HTR1F: variants seen among roughly 807,000 people sequenced by gnomAD.
HTR1F encodes the protein 5-hydroxytryptamine (serotonin) receptor 1F, G protein-coupled.
HTR1F carries 17 observed loss-of-function variants against 24.0 expected under a neutral mutation model. That is an observed-to-expected ratio of 0.71 (90% CI 0.48 to 1.06). The LOEUF (loss-of-function observed/expected upper bound fraction) is 1.06, where lower values mean the gene tolerates loss of function less well. Ranked by LOEUF, HTR1F falls within the 50% of genes least tolerant of loss-of-function variation. The probability of loss-of-function intolerance (pLI) is 0.00; values close to 1 mark genes in which losing one functional copy is unlikely to be tolerated. For missense variants in HTR1F, 391 were observed against 427.8 expected (o/e 0.91, Z 0.76); for synonymous variants, 186 against 156.8 (o/e 1.19, Z -1.39).
intron 2 of HTR1F, among the ~76,000 whole-genome samples, chr3:87,849,481 G>A (rs1178608076): frequency 1.3e-5 from 2 of 151,870 alleles, no homozygotes; most frequent in African/African-American, 4.9e-5. Context: ...AGACTTACAT[G>A]TTAGACCTAA....
intron 2 of HTR1F, among the ~76,000 whole-genome samples, chr3:87,951,473 T>C (rs1704832124): frequency 6.6e-6 from 1 of 152,112 alleles, no homozygotes; most frequent in Non-Finnish European, 1.5e-5. Flanking sequence ...GTTGGTACAT[T>C]ACCCCAGAAT....
chr3:87,884,400 A>G (rs1371980967), intron 2 of HTR1F, among the ~76,000 whole-genome samples: 1 of 152,200 alleles, frequency 6.6e-6, no homozygotes, highest in Non-Finnish European at 1.5e-5. Flanking sequence ...AAAACATGCC[A>G]AATTGTAAAG....
intron 1 of HTR1F, among the ~76,000 whole-genome samples, chr3:87,816,492 C>T (rs192123252): frequency 1.3e-5 from 2 of 152,112 alleles, no homozygotes; most frequent in East Asian, 3.9e-4. Context: ...GCCCCATGTG[C>T]TTTTCCAACT....
At chr3:87,854,690 C>A (rs1705160236) in intron 2 of HTR1F, among the ~76,000 whole-genome samples, 1 of 151,948 alleles carries the variant, frequency 6.6e-6, no homozygotes, top group Non-Finnish European at 1.5e-5. Flanking sequence ...TTCATTATTA[C>A]TGATTATAGT....
chr3:87,971,848 T>C (rs1705292405), intron 2 of HTR1F, among the ~76,000 whole-genome samples: 2 of 152,238 alleles, frequency 1.3e-5, no homozygotes, highest in South Asian at 2.1e-4. Context: ...AGCTGCTTTG[T>C]TCATTTTATG....
At chr3:87,923,511 GCTTT>G (rs1167934120) in intron 2 of HTR1F, among the ~76,000 whole-genome samples, 7 of 151,458 alleles carry the variant, frequency 4.6e-5, no homozygotes, top group Non-Finnish European at 1.0e-4. Flanking sequence ...AAATGAAATT[GCTTT>G]CTTGTTTTTT....
chr3:87,981,848 C>T (rs1705550416), intron 2 of HTR1F, among the ~76,000 whole-genome samples: 2 of 152,116 alleles, frequency 1.3e-5, no homozygotes, highest in Admixed American at 6.5e-5. Context: ...GACTAACAAG[C>T]AGATGTCTCT....
intron 2 of HTR1F, among the ~76,000 whole-genome samples, chr3:87,855,801 G>T (rs1451873737): frequency 6.6e-6 from 1 of 152,192 alleles, no homozygotes. Context: ...TCAGGAATGT[G>T]AATCATCCCT....
chr3:87,809,310 C>G (rs1263075736), intron 1 of HTR1F, among the ~76,000 whole-genome samples: 3 of 151,868 alleles, frequency 2.0e-5, no homozygotes, highest in Non-Finnish European at 4.4e-5. Flanking sequence ...ATAAATCACT[C>G]TTAATCGTGC....
chr3:87,805,560 T>G (rs1704060441), intron 1 of HTR1F, among the ~76,000 whole-genome samples: 1 of 152,118 alleles, frequency 6.6e-6, no homozygotes, highest in Admixed American at 6.6e-5. Flanking sequence ...GTTGCATGGA[T>G]ACAATGTGTA....
intron 2 of HTR1F, among the ~76,000 whole-genome samples, chr3:87,945,519 C>T (rs927592698): frequency 1.5e-4 from 23 of 152,174 alleles, no homozygotes; most frequent in African/African-American, 5.1e-4. Context: ...TGAGTAGAGA[C>T]TTCTGGCTGC....
At chr3:87,802,638 C>G (rs984583383) in intron 1 of HTR1F, among the ~76,000 whole-genome samples, 1 of 152,016 alleles carries the variant, frequency 6.6e-6, no homozygotes, top group African/African-American at 2.4e-5. Flanking sequence ...CATGAGCCAC[C>G]GCTCCTGGCT....
chr3:87,933,915 A>G (rs1436878898), intron 2 of HTR1F, among the ~76,000 whole-genome samples: 1 of 152,206 alleles, frequency 6.6e-6, no homozygotes, highest in Non-Finnish European at 1.5e-5. Flanking sequence ...TAATGAGAAG[A>G]TAAGACTCCC....
intron 2 of HTR1F, among the ~76,000 whole-genome samples, chr3:87,912,362 A>T (rs1818163): frequency 3.3e-5 from 5 of 151,714 alleles, no homozygotes; most frequent in African/African-American, 1.2e-4. Context: ...ACAGCTAACC[A>T]TGGAGGTGAA....
rs140531022 is a variant in HTR1F, at chr3:87,866,746, G to A, written c.-43+44622G>A. 7.1e-3 allele frequency among the ~76,000 whole-genome samples: 1,077 copies of A among 151,836 alleles called. 22 individuals are homozygous for A. Among genetic ancestry groups the A allele is most frequent in the Non-Finnish European group, 9.8e-3 (664 of 67,932 alleles). On this transcript the variant is annotated intron_variant, in intron 2 of 2. Transcript: ENST00000319595. ...ATTGACTACAGTTTCTCTTAACGTA[G>A]TGATTTCTAATGAGCAGGAAAATTG...
At chr3:87,950,944 G>A (rs1398484267) in intron 2 of HTR1F, among the ~76,000 whole-genome samples, 2 of 152,128 alleles carry the variant, frequency 1.3e-5, no homozygotes, top group African/African-American at 4.8e-5. Context: ...TCTTATCTCA[G>A]ATATAAATGC....
intron 2 of HTR1F, among the ~76,000 whole-genome samples, chr3:87,848,713 A>G (rs1357220463): frequency 4.6e-5 from 7 of 151,814 alleles, no homozygotes; most frequent in South Asian, 2.1e-4. Context: ...AAACCCCATC[A>G]TCTCAGCCCA....
At chr3:87,913,688 C>G (rs910188889) in intron 2 of HTR1F, among the ~76,000 whole-genome samples, 1 of 152,110 alleles carries the variant, frequency 6.6e-6, no homozygotes, top group African/African-American at 2.4e-5. Flanking sequence ...ACCTAAGCAC[C>G]CATCAATGGC....
chr3:87,805,564 A>G (rs1415109711), intron 1 of HTR1F, among the ~76,000 whole-genome samples: 2 of 152,066 alleles, frequency 1.3e-5, no homozygotes, highest in Non-Finnish European at 2.9e-5. Flanking sequence ...CATGGATACA[A>G]TGTGTAATTA....
Sources: allele counts gnomAD v4.1 joint callset (sites outside exome capture counted in the v4.1 genomes callset), GRCh38; gene constraint gnomAD v4.1.1; transcripts MANE v1.5; gene names NCBI Gene and HGNC (gene_info 2026-07-23, HGNC 2026-07-21).